RABL6: variants seen among roughly 807,000 people sequenced by gnomAD.
RABL6 encodes the protein RAB, member RAS oncogene family like 6, also known as rab-like protein 6.
RABL6 carries 28 observed loss-of-function variants against 72.9 expected under a neutral mutation model. That is an observed-to-expected ratio of 0.38 (90% confidence interval 0.28 to 0.53). The LOEUF is 0.53. RABL6 is among the 20% of genes least tolerant of loss of function. RABL6 has a pLI of 0.80. For missense variants in RABL6, 1,029 were observed against 1,008.4 expected, an observed-to-expected ratio of 1.02 and a Z score of -0.28; for synonymous variants, 477 against 421.2, an observed-to-expected ratio of 1.13 and a Z score of -1.62.
intron 6 of RABL6, 185 bp from the exon 7 acceptor site, chr9:136,832,080 C>G: frequency 6.6e-6 from 6 of 904,162 alleles, no homozygotes; most frequent in Non-Finnish European, 9.9e-6. Flanking sequence ...AGTGCTGGCA[C>G]TGTGGGGTCA....
rs1396248609 is a variant in RABL6, at chr9:136,828,420, G to A, written c.314-74G>A. On this transcript the variant is annotated intron_variant, in intron 3 of 14. Transcript: ENST00000311502. ...CTGGAGCTGGGGGCTGAGTGGCCAT[G>A]GGGGGACCATGCTCCTCCTATGGCC... The A allele has an allele frequency of 9.4e-6, 14 of 1,490,498 alleles. 1 individual carries two copies. The highest frequency in any genetic ancestry group is 2.3e-5 in the East Asian group (1 of 43,430). 92.3% of individuals were successfully genotyped at this position (1,490,498 alleles called of 1,614,324 possible). A position where few individuals can be genotyped will look rare whatever the true frequency, so the allele number is the denominator to read the frequency against.
At chr9:136,827,945 C>T (rs1272467270) in intron 3 of RABL6, 4 of 153,280 alleles carry the variant, frequency 2.6e-5, no homozygotes, top group Non-Finnish European at 2.9e-5. Flanking sequence ...GGCGGAGGCT[C>T]AGGGGGACCT....
At chr9:136,830,778 G>A (rs1848456493) in intron 5 of RABL6, among the ~76,000 whole-genome samples, 2 of 152,232 alleles carry the variant, frequency 1.3e-5, no homozygotes, top group Admixed American at 6.5e-5. Flanking sequence ...GAGAAGACGC[G>A]GCAAAGGCGC....
At chr9:136,812,592 A>C (rs1848034941) in intron 1 of RABL6, among the ~76,000 whole-genome samples, 1 of 152,106 alleles carries the variant, frequency 6.6e-6, no homozygotes, top group Admixed American at 6.6e-5. Context: ...AGTTTATATG[A>C]ATATCCAGTC....
At chr9:136,834,391 A>C in intron 7 of RABL6, 1 of 988,866 alleles carries the variant, frequency 1.0e-6, no homozygotes, top group Non-Finnish European at 1.2e-6. Flanking sequence ...TCCAGAGTTC[A>C]CACATTACAT....
At chr9:136,836,083 T>G in intron 8 of RABL6, 1 of 445,656 alleles carries the variant, frequency 2.2e-6, no homozygotes. Flanking sequence ...CCACTCTGAG[T>G]ACCGCTGACC....
chr9:136,809,924 G>T, intron 1 of RABL6: 1 of 153,762 alleles, frequency 6.5e-6, no homozygotes. Flanking sequence ...CCCGTGGAGT[G>T]GAAGCCTGGG....
At chr9:136,824,556 C>T (rs1848312132) in intron 2 of RABL6, among the ~76,000 whole-genome samples, 1 of 151,838 alleles carries the variant, frequency 6.6e-6, no homozygotes, top group African/African-American at 2.4e-5. Flanking sequence ...GCCTTGAACT[C>T]CTGACCACGT....
intron 5 of RABL6, among the ~76,000 whole-genome samples, chr9:136,830,523 G>A (rs1167291250): frequency 6.6e-6 from 1 of 152,260 alleles, no homozygotes; most frequent in African/African-American, 2.4e-5. Flanking sequence ...GTTCAGCTCG[G>A]GCGCACACGC....
chr9:136,821,136 T>G (rs2131172295), intron 1 of RABL6, among the ~76,000 whole-genome samples: 1 of 152,356 alleles, frequency 6.6e-6, no homozygotes, highest in Non-Finnish European at 1.5e-5. Flanking sequence ...TTGGTTCTTG[T>G]GCTTGTCTGC....
chr9:136,813,281 T>C, intron 1 of RABL6: 2 of 594,938 alleles, frequency 3.4e-6, no homozygotes, highest in East Asian at 6.0e-5. Context: ...GAACTGTAAG[T>C]GCATGCACAC....
Position 136,808,102 on chromosome 9 carries a change from G to T in RABL6, c.-95G>T, listed in dbSNP as rs1168738145. The T allele has an allele frequency of 4.6e-6, 6 of 1,291,040 alleles. No homozygotes were observed. In the South Asian group the frequency reaches 8.1e-5, roughly 17 times the overall value. 80.0% of individuals were successfully genotyped at this position (1,291,040 alleles called of 1,614,324 possible). On this transcript the variant is annotated 5_prime_UTR_variant, in exon 1 of 15. Transcript: ENST00000311502. Reference sequence around the variant, plus strand: ...CCGCGCCGGCTCCGGCCTCCGGGGGGGCCGGGGCCGCCGGGACATGGTGCC... The same window carrying T: ...CCGCGCCGGCTCCGGCCTCCGGGGGTGCCGGGGCCGCCGGGACATGGTGCC...
chr9:136,823,729 G>C, intron 2 of RABL6, 70 bp downstream of exon 2: 1 of 1,491,060 alleles, frequency 6.7e-7, no homozygotes, highest in Non-Finnish European at 9.0e-7. Context: ...GTTCCTGGGA[G>C]ATGCATTCCC....
At chr9:136,833,991 C>T (rs1848536140) in intron 7 of RABL6, 1 of 1,519,326 alleles carries the variant, frequency 6.6e-7, no homozygotes, top group Non-Finnish European at 8.9e-7. Context: ...CCAAAGCCTC[C>T]CAGGGAGAGA....
intron 2 of RABL6, among the ~76,000 whole-genome samples, chr9:136,824,209 C>T (rs113885599): frequency 0.011 from 1,593 of 151,380 alleles, 38 homozygotes; most frequent in African/African-American, 0.037. Flanking sequence ...ACAGCTGTGG[C>T]GAGGCTCCTG....
At chr9:136,828,449 G>A in intron 3 of RABL6, 45 bp from the exon 4 acceptor site, 2 of 1,605,140 alleles carry the variant, frequency 1.2e-6, no homozygotes, top group South Asian at 2.2e-5. Flanking sequence ...TATGGCCCAA[G>A]GCCCAGGGGT....
At position 136,831,703 on chromosome 9, in the gene RABL6, C is replaced by T; in HGVS notation, c.459-18C>T. The T allele has an allele frequency of 1.2e-6, 2 of 1,612,798 alleles. No homozygotes were observed. The highest frequency in any genetic ancestry group is 8.5e-7 in the Non-Finnish European group (1 of 1,179,682). On this transcript the variant is annotated intron_variant, in intron 5 of 14. Transcript: ENST00000311502. Reference sequence around the variant, plus strand: ...TCGCAGGGCTGAAACTAAGCCAGGTCCTCACCTGTTCTCCGAGGACCTTCA... The same window carrying T: ...TCGCAGGGCTGAAACTAAGCCAGGTTCTCACCTGTTCTCCGAGGACCTTCA...
At chr9:136,819,775 C>G (rs1347794573) in intron 1 of RABL6, among the ~76,000 whole-genome samples, 1 of 152,108 alleles carries the variant, frequency 6.6e-6, no homozygotes. Context: ...TTAAAGTGGA[C>G]CATCCTCACT....
rs1339751661 is a variant in RABL6 at position 136,831,667 on chromosome 9, G to A, written c.459-54G>A. Reference sequence around the variant, plus strand: ...TGGGCGCACAGCACCTTTCCAGGGAGGGACAGGGCGTCGCAGGGCTGAAAC... The same window carrying A: ...TGGGCGCACAGCACCTTTCCAGGGAAGGACAGGGCGTCGCAGGGCTGAAAC... On this transcript the variant is annotated intron_variant, in intron 5 of 14. Coordinates refer to ENST00000311502, the MANE Select transcript of RABL6 (RefSeq NM_024718.5). The A allele has an allele frequency of 1.9e-6, 3 of 1,602,926 alleles. No individual in the cohort carries two copies. In the African/African-American group the frequency reaches 4.0e-5, roughly 21 times the overall value.
Sources: gnomAD v4.1 joint callset for allele counts (sites outside exome capture counted in the v4.1 genomes callset) on GRCh38, gnomAD v4.1.1 for gene constraint, MANE v1.5 for transcripts, NCBI Gene and HGNC (gene_info 2026-07-23, HGNC 2026-07-21) for gene names.